The following TTC28 variants were observed in gnomAD, a reference collection of about 807,000 sequenced individuals.
TTC28 encodes tetratricopeptide repeat protein 28.
A neutral mutation model predicts 198.0 loss-of-function variants in TTC28; 61 were observed. The ratio of observed to expected loss-of-function variants is 0.31; its 90% CI spans 0.25 to 0.38. The LOEUF (loss-of-function observed/expected upper bound fraction) is 0.38. Among genes scored for constraint, TTC28 ranks in the 10% least tolerant of loss-of-function variants. The probability of loss-of-function intolerance (pLI) is 1.00; values close to 1 mark genes in which losing one functional copy is unlikely to be tolerated. For missense variants in TTC28, 2,678 were observed against 3,164.0 expected, an observed-to-expected ratio of 0.85 and a Z score of 3.69; for synonymous variants, 1,171 against 1,297.8, an observed-to-expected ratio of 0.90 and a Z score of 2.10.
chr22:28,076,966 G>C (rs932913005), intron 12 of TTC28, among the ~76,000 whole-genome samples: 2 of 152,256 alleles, frequency 1.3e-5, no homozygotes, highest in East Asian at 1.9e-4. Flanking sequence ...ATTCTGAAAA[G>C]TGTATTTTTA....
intron 14 of TTC28, among the ~76,000 whole-genome samples, chr22:28,010,305 AG>A (rs760349012): frequency 5.5e-4 from 83 of 152,248 alleles, no homozygotes; most frequent in Non-Finnish European, 7.2e-4. Flanking sequence ...CCCCCTTCCT[AG>A]CACCCCTACA....
At chr22:28,243,174 CA>C (rs754700795) in intron 5 of TTC28, among the ~76,000 whole-genome samples, 73 of 68,278 alleles carry the variant, frequency 1.1e-3, no homozygotes, top group African/African-American at 1.9e-3. Context: ...CCCCTCTCTA[CA>C]AAAAAAAAAA....
At chr22:28,262,733 C>T (rs1931411395) in intron 5 of TTC28, among the ~76,000 whole-genome samples, 1 of 152,168 alleles carries the variant, frequency 6.6e-6, no homozygotes, top group African/African-American at 2.4e-5. Context: ...GTGACTGACT[C>T]TCTCATTTAT....
chr22:28,298,674 C>T (rs2044952632), intron 3 of TTC28, among the ~76,000 whole-genome samples: 1 of 152,172 alleles, frequency 6.6e-6, no homozygotes, highest in Admixed American at 6.5e-5. Context: ...TGTTGTCAAA[C>T]TCCTCGGCTC....
At chr22:28,578,135 AT>A (rs1369693633) in intron 2 of TTC28, among the ~76,000 whole-genome samples, 2 of 151,702 alleles carry the variant, frequency 1.3e-5, no homozygotes, top group African/African-American at 2.4e-5. Flanking sequence ...TCTACTGTAT[AT>A]TTTTTTATTT....
chr22:28,445,658 T>C (rs2047690936), intron 2 of TTC28, among the ~76,000 whole-genome samples: 1 of 152,160 alleles, frequency 6.6e-6, no homozygotes, highest in African/African-American at 2.4e-5. Flanking sequence ...ACACTTGTGC[T>C]CTCTGCCTGG....
In TTC28 at chr22:28,356,792, G is replaced by A. The variant is rs544760213; in HGVS notation, c.382-50149C>T. Reference sequence around the variant, plus strand: ...GTAGGGACTGACAAAAAGCTGGCTCGTAGCGGGTTCACGTCCCAGCACATG... The same window carrying A: ...GTAGGGACTGACAAAAAGCTGGCTCATAGCGGGTTCACGTCCCAGCACATG... On this transcript the variant is annotated intron_variant, in intron 2 of 22. Transcript: ENST00000397906. 7.2e-5 allele frequency among the ~76,000 whole-genome samples: 11 copies of A among 152,292 alleles called. No individual in the cohort carries two copies. The East Asian group carries it at 7.7e-4, about 11-fold the overall frequency.
At chr22:28,335,272 T>G (rs1050327684) in intron 2 of TTC28, among the ~76,000 whole-genome samples, 1 of 152,222 alleles carries the variant, frequency 6.6e-6, no homozygotes, top group Non-Finnish European at 1.5e-5. Flanking sequence ...GTAGTATAGT[T>G]GGAAGTCAGG....
At chr22:28,254,900 CT>C (rs1209980035) in intron 5 of TTC28, among the ~76,000 whole-genome samples, 1 of 152,136 alleles carries the variant, frequency 6.6e-6, no homozygotes, top group East Asian at 1.9e-4. Context: ...AAAACTATCC[CT>C]GGAAAACACA....
chr22:28,227,311 C>T (rs1308520107), intron 5 of TTC28, among the ~76,000 whole-genome samples: 1 of 152,116 alleles, frequency 6.6e-6, no homozygotes, highest in Non-Finnish European at 1.5e-5. Context: ...TGAGGAAAAG[C>T]TTCGTGACAT....
intron 21 of TTC28, among the ~76,000 whole-genome samples, chr22:27,989,291 C>T (rs1937316386): frequency 6.6e-6 from 1 of 152,206 alleles, no homozygotes; most frequent in Non-Finnish European, 1.5e-5. Context: ...GTTTTCCTGC[C>T]AGTTTTGAGT....
intron 2 of TTC28, among the ~76,000 whole-genome samples, chr22:28,504,868 A>G (rs955112552): frequency 6.6e-6 from 1 of 152,178 alleles, no homozygotes; most frequent in Non-Finnish European, 1.5e-5. Flanking sequence ...AATTTAAACA[A>G]TTTTTGATAT....
intron 2 of TTC28, among the ~76,000 whole-genome samples, chr22:28,430,099 T>C (rs977151815): frequency 4.8e-5 from 7 of 145,946 alleles, no homozygotes; most frequent in Non-Finnish European, 7.5e-5. Context: ...AACAGAAGCA[T>C]GAATTAAGGG....
rs942369844 is a variant in TTC28 at position 28,537,161 on chromosome 22, C to T, written c.381+92391G>A. ...ATAAAAAATTAGCCGGGCGTGGTGGCGGGTGCCTGTAGTCCCAGCTACTCG... is the reference window on the plus strand; with the variant it reads ...ATAAAAAATTAGCCGGGCGTGGTGGTGGGTGCCTGTAGTCCCAGCTACTCG... On this transcript the variant is annotated intron_variant, in intron 2 of 22. Transcript: ENST00000397906. 2.6e-5 allele frequency among the ~76,000 whole-genome samples: 4 copies of T among 151,192 alleles called. No individual in the cohort carries two copies. The East Asian group carries it at 5.8e-4, about 22-fold the overall frequency.
chr22:28,017,405 G>T (rs975011693), intron 13 of TTC28, among the ~76,000 whole-genome samples: 1 of 152,226 alleles, frequency 6.6e-6, no homozygotes, highest in African/African-American at 2.4e-5. Flanking sequence ...GGGCAGCACC[G>T]GGGATAAGTC....
intron 12 of TTC28, among the ~76,000 whole-genome samples, chr22:28,079,791 C>T (rs752868826): frequency 4.6e-5 from 7 of 152,126 alleles, no homozygotes; most frequent in Non-Finnish European, 7.3e-5. Flanking sequence ...TACAGTGGCA[C>T]GATCACAGCT....
At chr22:28,165,165 A>G (rs1921774681) in intron 5 of TTC28, among the ~76,000 whole-genome samples, 1 of 152,248 alleles carries the variant, frequency 6.6e-6, no homozygotes, top group Admixed American at 6.5e-5. Flanking sequence ...CCTCCAAGAA[A>G]TATGGGACTA....
At chr22:28,376,231 T>A (rs940842847) in intron 2 of TTC28, among the ~76,000 whole-genome samples, 3 of 152,216 alleles carry the variant, frequency 2.0e-5, no homozygotes, top group African/African-American at 7.2e-5. Context: ...ATGAAATAAA[T>A]TGGCTCCTGA....
At chr22:28,557,890 G>A (rs1199504746) in intron 2 of TTC28, among the ~76,000 whole-genome samples, 1 of 152,116 alleles carries the variant, frequency 6.6e-6, no homozygotes, top group Non-Finnish European at 1.5e-5. Flanking sequence ...TTCATATTCA[G>A]CTTTCTTATC....
Sources: gnomAD v4.1 joint callset for allele counts (sites outside exome capture counted in the v4.1 genomes callset) on GRCh38, gnomAD v4.1.1 for gene constraint, MANE v1.5 for transcripts, NCBI Gene and HGNC (gene_info 2026-07-23, HGNC 2026-07-21) for gene names.